The following VEPH1 variants were observed in gnomAD, a reference collection of about 807,000 sequenced individuals.
VEPH1 encodes ventricular zone expressed PH domain containing 1, also known as ventricular zone-expressed PH domain-containing protein homolog 1.
VEPH1 carries 80 observed loss-of-function variants against 85.2 expected under a neutral mutation model. That is an observed-to-expected ratio of 0.94 (90% CI 0.78 to 1.13). The LOEUF is 1.13. Among genes scored for constraint, VEPH1 ranks in the 50% most tolerant of loss-of-function variants. The pLI, the probability that VEPH1 is intolerant of heterozygous loss-of-function variation, is 0.00. For synonymous variants in VEPH1, 297 were observed against 348.0 expected (o/e 0.85, Z 1.63); for missense variants, 955 against 980.5 (o/e 0.97, Z 0.35).
chr3:157,452,490 A>T (rs1168551196), intron 4 of VEPH1, among the ~76,000 whole-genome samples: 1 of 152,226 alleles, frequency 6.6e-6, no homozygotes. Context: ...TCTAGTACTC[A>T]ATTTTGTCCA....
chr3:157,443,039 T>TGGCTCACGCC lies in VEPH1; in HGVS notation c.530-14552_530-14551insGGCGTGAGCC. 2.6e-6 allele frequency: 4 copies of TGGCTCACGCC among 1,532,236 alleles called. No homozygotes were observed. The South Asian group carries it at 4.0e-5, about 15-fold the overall frequency. 94.9% of individuals were successfully genotyped at this position (1,532,236 alleles called of 1,614,324 possible). A position where few individuals can be genotyped will look rare whatever the true frequency, so the allele number is the denominator to read the frequency against. ...AACTCACACTTAAAACACATGCCAG[T>TGGCTCACGCC]TGGGAAGGTCTGAAAACTCAGTGCA... On this transcript the variant is annotated intron_variant, in intron 4 of 13. Coordinates refer to ENST00000362010, the MANE Select transcript of VEPH1 (RefSeq NM_001167912.2).
chr3:157,385,593 T>A (rs1266825950), intron 6 of VEPH1, among the ~76,000 whole-genome samples: 1 of 152,208 alleles, frequency 6.6e-6, no homozygotes, highest in African/African-American at 2.4e-5. Flanking sequence ...TTTTGCAAAT[T>A]TCTTTAGTAA....
intron 9 of VEPH1, among the ~76,000 whole-genome samples, chr3:157,339,121 A>G (rs1192517402): frequency 6.6e-6 from 1 of 152,172 alleles, no homozygotes; most frequent in Non-Finnish European, 1.5e-5. Flanking sequence ...CCCATGAGGT[A>G]TGTGAGATAA....
intron 6 of VEPH1, among the ~76,000 whole-genome samples, chr3:157,386,217 C>T (rs1729272475): frequency 9.6e-6 from 1 of 104,240 alleles, no homozygotes; most frequent in East Asian, 3.4e-4. Flanking sequence ...ATAGATTGTT[C>T]ATTAGTTGTT....
intron 4 of VEPH1, among the ~76,000 whole-genome samples, chr3:157,439,009 C>T (rs1733903930): frequency 6.6e-6 from 1 of 152,074 alleles, no homozygotes; most frequent in Non-Finnish European, 1.5e-5. Flanking sequence ...GTAATGAGAG[C>T]ATGTTTCATT....
At chr3:157,306,734 C>A (rs1719549961) in intron 11 of VEPH1, among the ~76,000 whole-genome samples, 1 of 151,968 alleles carries the variant, frequency 6.6e-6, no homozygotes. Flanking sequence ...GAGCAGATTG[C>A]TCTTTAAGAA....
intron 5 of VEPH1, 146 bp downstream of exon 5, chr3:157,428,172 TACAA>T (rs1410800426): frequency 7.8e-5 from 57 of 731,942 alleles, no homozygotes; most frequent in Non-Finnish European, 9.0e-5. Flanking sequence ...TTTCTCATTA[TACAA>T]ACAGAGTAAG....
chr3:157,384,656 C>T lies in VEPH1; in HGVS notation c.907-3280G>A, dbSNP rs1427542731. ...GTTGAAGGGAAAATTAATCACAGTG[C>T]AGGAACAGGAAAAATTATAACTGCT... is the stretch of plus-strand genomic sequence containing the variant. On this transcript the variant is annotated intron_variant, in intron 6 of 13. Transcript: ENST00000362010. Among the ~76,000 whole-genome samples the T allele has an allele frequency of 2.6e-5, 4 of 152,150 alleles. No individual in the cohort carries two copies. In the East Asian group the frequency reaches 7.7e-4, roughly 29 times the overall value.
At chr3:157,437,747 A>T in intron 4 of VEPH1, 2 of 1,493,618 alleles carry the variant, frequency 1.3e-6, no homozygotes, top group African/African-American at 1.5e-5. Context: ...GAGCTGCTGC[A>T]GGCGACCCGC....
At chr3:157,467,239 GC>G (rs1451410084) in intron 3 of VEPH1, among the ~76,000 whole-genome samples, 2 of 151,896 alleles carry the variant, frequency 1.3e-5, no homozygotes, top group African/African-American at 4.8e-5. Context: ...AAATGACTGG[GC>G]CTCTGCCTGA....
rs529751956 is a variant in VEPH1, at chr3:157,470,484, T to C, written c.184A>G (p.Ile62Val). 1.2e-5 allele frequency: 20 copies of C among 1,614,234 alleles called. No individual in the cohort carries two copies. The South Asian group carries it at 2.1e-4, about 17-fold the overall frequency. The change falls in exon 3 of 14, where the codon ATC becomes GTC. Residue 62 changes from isoleucine to valine, a missense_variant. Ile to Val is a conservative substitution (Grantham distance 29). Transcript: ENST00000362010. Reference sequence around the variant, plus strand: ...CTGATGGCTGTTGTGATTCTTGTGATACAGATTTCAACTACTGCCTGGTCA... The same window carrying C: ...CTGATGGCTGTTGTGATTCTTGTGACACAGATTTCAACTACTGCCTGGTCA... ...NNDQAVVEIC[I>V]TRITTAIRET...
intron 9 of VEPH1, among the ~76,000 whole-genome samples, chr3:157,345,516 A>G (rs1051256384): frequency 1.3e-5 from 2 of 152,234 alleles, no homozygotes; most frequent in Admixed American, 6.5e-5. Flanking sequence ...CAATAATTAA[A>G]AAGTCAGGAA....
intron 3 of VEPH1, 101 bp downstream of exon 3, chr3:157,470,213 C>A: frequency 9.2e-7 from 1 of 1,083,506 alleles, no homozygotes; most frequent in Admixed American, 2.1e-5. Context: ...TTTACAGTAT[C>A]TAAATGCTGC....
intron 9 of VEPH1, among the ~76,000 whole-genome samples, chr3:157,360,379 C>T (rs1040279320): frequency 4.6e-5 from 7 of 152,226 alleles, no homozygotes; most frequent in Middle Eastern, 3.4e-3. Context: ...AAAATACATA[C>T]TCAGTCCTAG....
At chr3:157,279,784 G>T (rs970671391) in intron 12 of VEPH1, among the ~76,000 whole-genome samples, 1 of 152,084 alleles carries the variant, frequency 6.6e-6, no homozygotes, top group Admixed American at 6.5e-5. Context: ...TTGGGAGGCC[G>T]AGGCGGGCGG....
Position 157,398,465 on chromosome 3 carries a change from C to T in VEPH1, c.906+15416G>A, listed in dbSNP as rs150919901. Among the ~76,000 whole-genome samples the T allele has an allele frequency of 3.9e-3, 595 of 152,142 alleles. 16 individuals are homozygous for T. The highest frequency in any genetic ancestry group is 1.2e-3 in the Non-Finnish European group (79 of 67,992). On this transcript the variant is annotated intron_variant, in intron 6 of 13. Coordinates refer to ENST00000362010, the MANE Select transcript of VEPH1 (RefSeq NM_001167912.2). The stretch of plus-strand genomic sequence containing the variant: ...CCTGGCCAATATGGTGAAACACCAT[C>T]TCTACTAAAAATACAAAAATTAGCT...
At chr3:157,264,242 T>TC (rs907173705) in intron 13 of VEPH1, among the ~76,000 whole-genome samples, 11 of 152,212 alleles carry the variant, frequency 7.2e-5, no homozygotes, top group Non-Finnish European at 1.2e-4. Flanking sequence ...CTTACATCCC[T>TC]CCCCCCAGCT....
At chr3:157,357,260 C>T (rs1725546323) in intron 9 of VEPH1, among the ~76,000 whole-genome samples, 1 of 152,020 alleles carries the variant, frequency 6.6e-6, no homozygotes, top group Admixed American at 6.5e-5. Flanking sequence ...AAGGTGGATA[C>T]TATATTAGGG....
In VEPH1 at chr3:157,343,415, T is replaced by G. The variant is rs568735012; in HGVS notation, c.1735+19949A>C. Among the ~76,000 whole-genome samples the G allele has an allele frequency of 5.0e-4, 76 of 152,100 alleles. 1 individual carries two copies. In the East Asian group the frequency reaches 8.5e-3, roughly 17 times the overall value. On this transcript the variant is annotated intron_variant, in intron 9 of 13. Coordinates refer to ENST00000362010, the MANE Select transcript of VEPH1 (RefSeq NM_001167912.2). ...TATAAACACCTCTACGCAAATAAAC[T>G]AGAAAATATAGAAGAAATGGATAAA...
Sources: gnomAD v4.1 joint callset for allele counts (sites outside exome capture counted in the v4.1 genomes callset) on GRCh38, gnomAD v4.1.1 for gene constraint, MANE v1.5 for transcripts, NCBI Gene and HGNC (gene_info 2026-07-23, HGNC 2026-07-21) for gene names.